The following CEP112 variants were observed in gnomAD, a reference collection of about 807,000 sequenced individuals.
CEP112 encodes centrosomal protein of 112 kDa.
A neutral mutation model predicts 153.0 loss-of-function variants in CEP112; 127 were observed. The ratio of observed to expected loss-of-function variants is 0.83; its 90% CI spans 0.72 to 0.96. The LOEUF is 0.96. CEP112 is among the 40% of genes least tolerant of loss of function. The probability of loss-of-function intolerance (pLI) is 0.00; values close to 1 mark genes in which losing one functional copy is unlikely to be tolerated. For synonymous variants in CEP112, 358 were observed against 374.4 expected (o/e 0.96, Z 0.51); for missense variants, 1,089 against 1,101.2 (o/e 0.99, Z 0.16).
intron 21 of CEP112, among the ~76,000 whole-genome samples, chr17:65,821,497 T>A (rs9893394): frequency 2.6e-4 from 30 of 117,112 alleles, no homozygotes; most frequent in African/African-American, 9.3e-4. Context: ...TATATATAAT[T>A]ATATATATAT....
chr17:65,814,778 G>A (rs151218618), intron 21 of CEP112, among the ~76,000 whole-genome samples: 2 of 152,136 alleles, frequency 1.3e-5, no homozygotes, highest in East Asian at 3.9e-4. Context: ...AGTTTTCATG[G>A]TTTAGTTTAA....
intron 16 of CEP112, among the ~76,000 whole-genome samples, chr17:66,013,055 T>C (rs1205141364): frequency 6.6e-6 from 1 of 152,212 alleles, no homozygotes; most frequent in East Asian, 1.9e-4. Flanking sequence ...GTGAAGTGAG[T>C]TGTCCAGCTC....
chr17:65,660,957 T>A (rs941027863), intron 24 of CEP112, among the ~76,000 whole-genome samples: 2 of 152,174 alleles, frequency 1.3e-5, no homozygotes, highest in African/African-American at 2.4e-5. Context: ...GATCTGATCA[T>A]CTCACCCCAA....
chr17:66,010,350 T>C (rs984971854), intron 16 of CEP112, among the ~76,000 whole-genome samples: 1 of 152,128 alleles, frequency 6.6e-6, no homozygotes, highest in Non-Finnish European at 1.5e-5. Context: ...GATGAAGTTG[T>C]TTATCAGATC....
intron 21 of CEP112, among the ~76,000 whole-genome samples, chr17:65,829,650 T>G (rs1036604497): frequency 1.3e-5 from 2 of 152,210 alleles, no homozygotes; most frequent in African/African-American, 4.8e-5. Context: ...AATATTAAAA[T>G]AATTACAGTC....
Position 65,894,000 on chromosome 17 carries a change from T to C in CEP112, c.2163+8152A>G, listed in dbSNP as rs187830167. ...CAAAAAATTACCACAAATATACAAA[T>C]GAAGACATCAGGGATGTCTCTTACA... On this transcript the variant is annotated intron_variant, in intron 20 of 26. Transcript: ENST00000535342. Among the ~76,000 whole-genome samples, 307 of 152,158 alleles carry C rather than the reference T, an allele frequency of 2.0e-3. 1 individual carries two copies. The highest frequency in any genetic ancestry group is 7.0e-3 in the African/African-American group (291 of 41,532).
chr17:65,939,119 G>GA (rs1035185452), intron 18 of CEP112, among the ~76,000 whole-genome samples: 6 of 151,900 alleles, frequency 3.9e-5, no homozygotes, highest in Non-Finnish European at 5.9e-5. Context: ...GCCCAAAAAA[G>GA]AAATTTTTAA....
chr17:66,016,647 T>A (rs1306196741), intron 16 of CEP112, among the ~76,000 whole-genome samples: 1 of 152,246 alleles, frequency 6.6e-6, no homozygotes, highest in South Asian at 2.1e-4. Flanking sequence ...CAACAAGGAA[T>A]TGCTATCAGA....
At chr17:66,126,060 T>C (rs544947453) in intron 6 of CEP112, among the ~76,000 whole-genome samples, 2 of 152,330 alleles carry the variant, frequency 1.3e-5, no homozygotes, top group African/African-American at 4.8e-5. Context: ...GATAAAGGGA[T>C]TTAAATTCAA....
At chr17:65,875,830 G>A (rs1429234722) in intron 20 of CEP112, among the ~76,000 whole-genome samples, 1 of 152,048 alleles carries the variant, frequency 6.6e-6, no homozygotes, top group Non-Finnish European at 1.5e-5. Context: ...TGTTGTGTCT[G>A]TAACCATGAG....
At chr17:65,756,431 AAAG>A (rs1333420386) in intron 21 of CEP112, among the ~76,000 whole-genome samples, 1 of 151,246 alleles carries the variant, frequency 6.6e-6, no homozygotes, top group Non-Finnish European at 1.5e-5. Context: ...AAAAAAAAAA[AAAG>A]AAATCAGGAT....
chr17:65,780,781 AT>A (rs2053952726), intron 21 of CEP112, among the ~76,000 whole-genome samples: 1 of 152,122 alleles, frequency 6.6e-6, no homozygotes, highest in Admixed American at 6.5e-5. Context: ...GACTTCAAAG[AT>A]TTAAAAAATA....
intron 20 of CEP112, among the ~76,000 whole-genome samples, chr17:65,889,368 C>T (rs560294050): frequency 2.0e-5 from 3 of 152,292 alleles, no homozygotes; most frequent in East Asian, 1.9e-4. Context: ...ATTCACAACT[C>T]GAGAAAATAA....
At chr17:65,671,624 A>G (rs1014064177) in intron 24 of CEP112, among the ~76,000 whole-genome samples, 18 of 152,172 alleles carry the variant, frequency 1.2e-4, no homozygotes, top group African/African-American at 4.1e-4. Context: ...ATGTATATAT[A>G]TAGTATGTAT....
rs1218978308 is a variant in CEP112, at chr17:66,035,008, ATTTT to A, written c.1219-4989_1219-4986del. On this transcript the variant is annotated intron_variant, in intron 12 of 26. Coordinates refer to ENST00000535342, the MANE Select transcript of CEP112 (RefSeq NM_001199165.4). The stretch of plus-strand genomic sequence containing the variant: ...TATATATATACATATATATATATAT[ATTTT>A]TTTTTTTAGTAGAGATGGAGTTTCG... 4.0e-3 allele frequency among the ~76,000 whole-genome samples: 291 copies of A among 72,364 alleles called. 8 individuals carry two copies. The highest frequency in any genetic ancestry group is 9.2e-3 in the African/African-American group (209 of 22,716). The allele number at this position is 72,364 out of a possible 152,430, so 47.5% of individuals were successfully genotyped here.
intron 23 of CEP112, among the ~76,000 whole-genome samples, chr17:65,709,404 C>T (rs551687688): frequency 2.0e-4 from 30 of 152,132 alleles, no homozygotes; most frequent in African/African-American, 6.3e-4. Flanking sequence ...ACAATCACGG[C>T]GGAAGAGCAA....
At chr17:65,985,660 G>C (rs1023044236) in intron 17 of CEP112, among the ~76,000 whole-genome samples, 4 of 152,136 alleles carry the variant, frequency 2.6e-5, no homozygotes, top group Non-Finnish European at 4.4e-5. Context: ...CAGAGAAAAT[G>C]ATGATGTTTC....
chr17:66,063,803 T>G (rs1394596714), intron 10 of CEP112, among the ~76,000 whole-genome samples: 2 of 152,156 alleles, frequency 1.3e-5, no homozygotes, highest in Non-Finnish European at 2.9e-5. Flanking sequence ...TCTGGCCATA[T>G]CTCTTCCCAC....
chr17:65,911,127 T>C (rs1378449658), intron 19 of CEP112, among the ~76,000 whole-genome samples: 1 of 152,192 alleles, frequency 6.6e-6, no homozygotes, highest in African/African-American at 2.4e-5. Flanking sequence ...AATACAACTA[T>C]AAGCCCTTCT....
Sources: gnomAD v4.1 joint callset for allele counts (sites outside exome capture counted in the v4.1 genomes callset) on GRCh38, gnomAD v4.1.1 for gene constraint, MANE v1.5 for transcripts, NCBI Gene and HGNC (gene_info 2026-07-23, HGNC 2026-07-21) for gene names.